FBXW7: variants seen among roughly 807,000 people sequenced by gnomAD.
FBXW7 encodes F-box and WD repeat domain containing 7.
In FBXW7, 11 loss-of-function variants were observed where a neutral mutation model predicts 86.3. The observed-to-expected ratio is 0.13, with a 90% CI of 0.08 to 0.21. The LOEUF (loss-of-function observed/expected upper bound fraction) is 0.21, where lower values mean the gene tolerates loss of function less well. Among genes scored for constraint, FBXW7 ranks in the 10% least tolerant of loss-of-function variants. The pLI, the probability that FBXW7 is intolerant of heterozygous loss-of-function variation, is 1.00. For missense variants in FBXW7, 488 were observed against 847.4 expected (o/e 0.58, Z 5.27); for synonymous variants, 313 against 297.9 (o/e 1.05, Z -0.52).
intron 2 of FBXW7, among the ~76,000 whole-genome samples, chr4:152,424,498 A>T (rs778956507): frequency 2.2e-4 from 34 of 152,342 alleles, no homozygotes; most frequent in Non-Finnish European, 2.4e-4. Context: ...ATATTTATTT[A>T]AAACCATCAT....
intron 2 of FBXW7, among the ~76,000 whole-genome samples, chr4:152,517,180 T>C (rs1430801222): frequency 1.3e-5 from 2 of 152,168 alleles, no homozygotes; most frequent in East Asian, 1.9e-4. Context: ...TTGGTCTTTA[T>C]CCATTTCTAA....
At position 152,357,567 on chromosome 4, in the gene FBXW7, C is replaced by T. The variant is rs183273312; in HGVS notation, c.502-7443G>A. On this transcript the variant is annotated intron_variant, in intron 4 of 13. Coordinates refer to ENST00000281708, the MANE Select transcript of FBXW7 (RefSeq NM_001349798.2). ...AACTCCTGGCCTCAAGTAATCCGCC[C>T]GCCTCAGCCTCCCAAGGTGCTGGGA... is the stretch of plus-strand genomic sequence containing the variant. 4.2e-4 allele frequency among the ~76,000 whole-genome samples: 64 copies of T among 152,050 alleles called. 1 individual carries two copies. Among genetic ancestry groups the T allele is most frequent in the Admixed American group, 3.3e-3 (50 of 15,244 alleles).
intron 4 of FBXW7, among the ~76,000 whole-genome samples, chr4:152,405,671 T>C (rs1270212145): frequency 6.6e-6 from 1 of 152,176 alleles, no homozygotes; most frequent in South Asian, 2.1e-4. Flanking sequence ...GCTCTTAACG[T>C]TTTTAAACAC....
intron 2 of FBXW7, among the ~76,000 whole-genome samples, chr4:152,477,422 C>G (rs142974390): frequency 6.6e-6 from 1 of 152,016 alleles, no homozygotes; most frequent in Non-Finnish European, 1.5e-5. Context: ...AACAACTATA[C>G]GCATTTGGAA....
At chr4:152,347,143 C>A (rs2126637602) in intron 5 of FBXW7, 72 bp from the exon 6 acceptor site, 3 of 1,255,456 alleles carry the variant, frequency 2.4e-6, no homozygotes, top group East Asian at 4.8e-5. Context: ...AAGATAGATA[C>A]TTATTAATAA....
chr4:152,464,667 A>G (rs529788431), intron 2 of FBXW7, among the ~76,000 whole-genome samples: 1 of 152,362 alleles, frequency 6.6e-6, no homozygotes, highest in East Asian at 1.9e-4. Flanking sequence ...CAAAAGCAGA[A>G]GAAATGAACA....
chr4:152,347,487 T>C (rs1181773848), intron 5 of FBXW7, among the ~76,000 whole-genome samples: 1 of 152,176 alleles, frequency 6.6e-6, no homozygotes, highest in African/African-American at 2.4e-5. Context: ...ATTAAAGCTT[T>C]AAAAAACTCA....
At chr4:152,415,467 A>T (rs904921603) in intron 2 of FBXW7, among the ~76,000 whole-genome samples, 2 of 152,158 alleles carry the variant, frequency 1.3e-5, no homozygotes, top group Non-Finnish European at 2.9e-5. Context: ...TTCTGCAAGA[A>T]GTTTAGGATT....
At chr4:152,402,124 T>C (rs1287576146) in intron 4 of FBXW7, among the ~76,000 whole-genome samples, 1 of 152,114 alleles carries the variant, frequency 6.6e-6, no homozygotes, top group Non-Finnish European at 1.5e-5. Flanking sequence ...TCAAACAGGT[T>C]ACCAAATAAT....
At chr4:152,324,500 G>A in intron 12 of FBXW7, 106 bp from the exon 13 acceptor site, 2 of 877,894 alleles carry the variant, frequency 2.3e-6, no homozygotes, top group Non-Finnish European at 3.5e-6. Flanking sequence ...AACAGGTAAT[G>A]CCAGGAACAA....
At chr4:152,530,771 G>A (rs1015892901) in intron 2 of FBXW7, 1 of 152,200 alleles carries the variant, frequency 6.6e-6, no homozygotes, top group African/African-American at 2.4e-5. Context: ...TATACCAGGA[G>A]TCCAAAAACT....
intron 2 of FBXW7, among the ~76,000 whole-genome samples, chr4:152,445,307 C>G (rs992832791): frequency 1.4e-4 from 22 of 152,148 alleles, no homozygotes; most frequent in South Asian, 6.2e-4. Context: ...TCTACACTCA[C>G]AGCTTAATTG....
chr4:152,521,532 A>G (rs1749010105), intron 2 of FBXW7, among the ~76,000 whole-genome samples: 2 of 152,222 alleles, frequency 1.3e-5, no homozygotes, highest in South Asian at 4.1e-4. Context: ...ACAGAAAATG[A>G]TATGACTTCC....
At chr4:152,415,466 A>T (rs1038546166) in intron 2 of FBXW7, among the ~76,000 whole-genome samples, 2 of 152,106 alleles carry the variant, frequency 1.3e-5, no homozygotes, top group Non-Finnish European at 2.9e-5. Context: ...TTTCTGCAAG[A>T]AGTTTAGGAT....
chr4:152,363,485 C>T (rs1348098315), intron 4 of FBXW7, among the ~76,000 whole-genome samples: 2 of 152,084 alleles, frequency 1.3e-5, no homozygotes, highest in African/African-American at 4.8e-5. Flanking sequence ...ATATATACAA[C>T]TAGAAAGAGG....
intron 4 of FBXW7, among the ~76,000 whole-genome samples, chr4:152,364,990 T>C (rs779832000): frequency 2.6e-5 from 4 of 152,172 alleles, no homozygotes; most frequent in African/African-American, 7.2e-5. Flanking sequence ...GTTTCATGGC[T>C]GGAGTTCACA....
intron 4 of FBXW7, among the ~76,000 whole-genome samples, chr4:152,410,451 C>T (rs954657580): frequency 1.2e-4 from 18 of 152,272 alleles, no homozygotes; most frequent in East Asian, 3.9e-4. Flanking sequence ...CTTGATGTCA[C>T]GTCCTTCTTA....
intron 2 of FBXW7, among the ~76,000 whole-genome samples, chr4:152,488,153 A>C (rs1170977326): frequency 6.6e-6 from 1 of 152,060 alleles, no homozygotes; most frequent in Non-Finnish European, 1.5e-5. Flanking sequence ...ACTTTGACTA[A>C]CTCTACAAAA....
Position 152,484,540 on chromosome 4 carries a change from G to A in FBXW7, c.-120+50401C>T, listed in dbSNP as rs371910546. ...AATATTGTAAAAGCTCCACAAAAAG[G>A]GAAAATCAACTGCAGAACAACTTAC... On this transcript the variant is annotated intron_variant, in intron 2 of 13. Transcript: ENST00000281708. 1.8e-4 allele frequency among the ~76,000 whole-genome samples: 27 copies of A among 152,082 alleles called. No individual in the cohort carries two copies. In the South Asian group the frequency reaches 5.6e-3, roughly 32 times the overall value.
Sources: gnomAD v4.1 joint callset for allele counts (sites outside exome capture counted in the v4.1 genomes callset) on GRCh38, gnomAD v4.1.1 for gene constraint, MANE v1.5 for transcripts, NCBI Gene and HGNC (gene_info 2026-07-23, HGNC 2026-07-21) for gene names.